EDARADD: variants seen among roughly 807,000 people sequenced by gnomAD.
EDARADD encodes the protein EDAR associated via death domain.
A neutral mutation model predicts 25.6 loss-of-function variants in EDARADD; 20 were observed. That is an observed-to-expected ratio of 0.78 (90% confidence interval 0.55 to 1.14). The LOEUF (loss-of-function observed/expected upper bound fraction) is 1.14. Among genes scored for constraint, EDARADD ranks in the 50% most tolerant of loss-of-function variants. The probability of loss-of-function intolerance (pLI) is 0.00; values close to 1 mark genes in which losing one functional copy is unlikely to be tolerated. For missense variants in EDARADD, 225 were observed against 270.1 expected (o/e 0.83, Z 1.17); for synonymous variants, 86 against 94.4 (o/e 0.91, Z 0.52).
chr1:236,454,260 A>G lies in EDARADD; in HGVS notation c.220-13971A>G, dbSNP rs189604631. On this transcript the variant is annotated intron_variant, in intron 4 of 5. Coordinates refer to ENST00000334232, the MANE Select transcript of EDARADD (RefSeq NM_145861.4). ...AGACAGGGTTTCACCCTGTTAGCCA[A>G]GATGGTCTCGATCTCCTGACCTTGT... Among the ~76,000 whole-genome samples the G allele has an allele frequency of 4.3e-3, 651 of 152,178 alleles. 4 individuals carry two copies. The highest frequency in any genetic ancestry group is 0.015 in the African/African-American group (612 of 41,518).
chr1:236,358,439 ATTTGT>A (rs1158430207), intron 3 of EDARADD, among the ~76,000 whole-genome samples: 1 of 152,186 alleles, frequency 6.6e-6, no homozygotes, highest in African/African-American at 2.4e-5. Flanking sequence ...TAGCTTTGGC[ATTTGT>A]TTGCTCTTGG....
intron 4 of EDARADD, among the ~76,000 whole-genome samples, chr1:236,442,752 C>G (rs529501923): frequency 1.3e-5 from 2 of 152,334 alleles, no homozygotes; most frequent in East Asian, 3.9e-4. Flanking sequence ...CAACACATTA[C>G]TGTTCATTGA....
At chr1:236,371,283 A>G (rs7549404) in intron 3 of EDARADD, among the ~76,000 whole-genome samples, 8,649 of 152,220 alleles carry the variant, frequency 0.057, 800 homozygotes, top group African/African-American at 0.19. Flanking sequence ...GGATTCTGCA[A>G]CCTTGCTGTA....
intron 4 of EDARADD, among the ~76,000 whole-genome samples, chr1:236,428,079 G>A (rs528015151): frequency 6.6e-4 from 100 of 152,026 alleles, no homozygotes; most frequent in African/African-American, 2.3e-3. Flanking sequence ...ATAAACAAGT[G>A]AACAAAGGTC....
At chr1:236,442,060 AAC>A (rs1658416400) in intron 4 of EDARADD, among the ~76,000 whole-genome samples, 2 of 152,084 alleles carry the variant, frequency 1.3e-5, no homozygotes, top group Admixed American at 6.6e-5. Context: ...TATACTAAAC[AAC>A]AGATTTCCAG....
chr1:236,390,338 G>A (rs1667406698), upstream of EDARADD, among the ~76,000 whole-genome samples: 1 of 152,126 alleles, frequency 6.6e-6, no homozygotes, highest in Non-Finnish European at 1.5e-5. Flanking sequence ...GGCGGATCAC[G>A]AGGTCAGGAG....
chr1:236,483,789 G>T lies in EDARADD; in HGVS notation c.*1140G>T. On this transcript the variant is annotated 3_prime_UTR_variant, in exon 6 of 6. Transcript: ENST00000334232. ...TGGGAAAGATGCCACCGGTGTGGGG[G>T]ATGGAGGCGCGTTTGCTCCCAACAT... 3 of 1,459,672 alleles carry T rather than the reference G, an allele frequency of 2.1e-6. No homozygotes were observed. The highest frequency in any genetic ancestry group is 2.9e-6 in the Non-Finnish European group (3 of 1,041,434). The allele number at this position is 1,459,672 out of a possible 1,614,324, so 90.4% of individuals were successfully genotyped here.
At chr1:236,420,539 G>A (rs1657756799) in intron 3 of EDARADD, among the ~76,000 whole-genome samples, 1 of 152,206 alleles carries the variant, frequency 6.6e-6, no homozygotes, top group Admixed American at 6.5e-5. Flanking sequence ...ATGGAAAGAT[G>A]TTAAATGTTT....
Position 236,483,959 on chromosome 1 carries a change from C to T in EDARADD, c.*1310C>T, listed in dbSNP as rs561111220. The T allele has an allele frequency of 7.8e-5, 107 of 1,369,250 alleles. 1 individual carries two copies. Among genetic ancestry groups the T allele is most frequent in the South Asian group, 2.0e-4 (17 of 85,810 alleles). The allele number at this position is 1,369,250 out of a possible 1,614,324, so 84.8% of individuals were successfully genotyped here. On this transcript the variant is annotated 3_prime_UTR_variant, in exon 6 of 6. Coordinates refer to ENST00000334232, the MANE Select transcript of EDARADD (RefSeq NM_145861.4). ...ATGACCTGGAATTCAAGTTTCTCGACGACCCCACCAGGTACATCTCACCTG... is the reference window on the plus strand; with the variant it reads ...ATGACCTGGAATTCAAGTTTCTCGATGACCCCACCAGGTACATCTCACCTG...
chr1:236,468,513 C>T (rs949603069), intron 5 of EDARADD, among the ~76,000 whole-genome samples: 9 of 152,014 alleles, frequency 5.9e-5, no homozygotes, highest in African/African-American at 2.2e-4. Context: ...CCCAGCTACT[C>T]GGAGGCTGAG....
chr1:236,469,746 C>T (rs1430470604), intron 5 of EDARADD, among the ~76,000 whole-genome samples: 1 of 151,916 alleles, frequency 6.6e-6, no homozygotes, highest in African/African-American at 2.4e-5. Context: ...ATGTGAGCAA[C>T]AGTTCTCTCT....
chr1:236,392,562 C>T (rs1667439474), upstream of EDARADD, among the ~76,000 whole-genome samples: 1 of 151,854 alleles, frequency 6.6e-6, no homozygotes, highest in African/African-American at 2.4e-5. Context: ...TCTCAGCTCA[C>T]TGCAGCTCTG....
chr1:236,380,596 G>A (rs1667286551), intron 3 of EDARADD, among the ~76,000 whole-genome samples: 1 of 152,126 alleles, frequency 6.6e-6, no homozygotes, highest in African/African-American at 2.4e-5. Context: ...TATTTTAAAT[G>A]AAAGAACATT....
At chr1:236,409,316 T>C in intron 2 of EDARADD, 42 bp downstream of exon 2, 4 of 1,522,534 alleles carry the variant, frequency 2.6e-6, no homozygotes, top group Middle Eastern at 1.7e-4. Context: ...ATTATTGTTT[T>C]GCTTTTTTTC....
At position 236,407,345 on chromosome 1, in the gene EDARADD, G is replaced by A. The variant is rs10925118; in HGVS notation, c.62-1871G>A. On this transcript the variant is annotated intron_variant, in intron 1 of 5. Transcript: ENST00000334232. Reference sequence around the variant, plus strand: ...GATGTCTGTATCCTGCTCCATGGGAGGCAATGGCAAAGGCTCTCTCCATTC... The same window carrying A: ...GATGTCTGTATCCTGCTCCATGGGAAGCAATGGCAAAGGCTCTCTCCATTC... 5.3e-3 allele frequency among the ~76,000 whole-genome samples: 800 copies of A among 152,296 alleles called. 5 individuals are homozygous for A. Among genetic ancestry groups the A allele is most frequent in the African/African-American group, 0.018 (763 of 41,564 alleles).
chr1:236,444,175 CTT>C (rs1017995788), intron 4 of EDARADD, among the ~76,000 whole-genome samples: 5 of 152,080 alleles, frequency 3.3e-5, no homozygotes, highest in South Asian at 2.1e-4. Flanking sequence ...GTAAATATAA[CTT>C]TTTCGTGCAC....
intron 4 of EDARADD, among the ~76,000 whole-genome samples, chr1:236,467,447 C>CACACACACACACAT (rs1553270575): frequency 2.0e-5 from 3 of 149,088 alleles, no homozygotes; most frequent in African/African-American, 7.4e-5. Flanking sequence ...CACACACACA[C>CACACACACACACAT]ACACACACAT....
chr1:236,465,838 C>T (rs1358269109), intron 4 of EDARADD, among the ~76,000 whole-genome samples: 4 of 152,198 alleles, frequency 2.6e-5, no homozygotes, highest in Non-Finnish European at 5.9e-5. Context: ...AACAAACCCA[C>T]AACATAGCAC....
rs72753327 is a variant in EDARADD at position 236,401,942 on chromosome 1, C to T, written c.62-7274C>T. On this transcript the variant is annotated intron_variant, in intron 1 of 5. Transcript: ENST00000334232. ...CACTCACCTTCTCAAGAGAGTCTGT[C>T]GGGTGGTCAGTGTATGAACCACTTC... is the stretch of plus-strand genomic sequence containing the variant. Among the ~76,000 whole-genome samples, 1,291 of 152,228 alleles carry T rather than the reference C, an allele frequency of 8.5e-3. 13 individuals are homozygous for T. Among genetic ancestry groups the T allele is most frequent in the Admixed American group, 0.013 (193 of 15,286 alleles).
Sources: gnomAD v4.1 joint callset for allele counts (sites outside exome capture counted in the v4.1 genomes callset) on GRCh38, gnomAD v4.1.1 for gene constraint, MANE v1.5 for transcripts, NCBI Gene and HGNC (gene_info 2026-07-23, HGNC 2026-07-21) for gene names.